Variants in SPOCK3 observed in about 807,000 individuals in gnomAD.
SPOCK3 encodes testican-3.
In SPOCK3, 30 loss-of-function variants were observed where a neutral mutation model predicts 56.6. The ratio of observed to expected loss-of-function variants is 0.53; its 90% CI spans 0.40 to 0.72. SPOCK3 has a LOEUF of 0.72. SPOCK3 is among the 30% of genes least tolerant of loss of function. SPOCK3 has a pLI of 0.00. For missense variants in SPOCK3, 527 were observed against 530.0 expected, an observed-to-expected ratio of 0.99 and a Z score of 0.06; for synonymous variants, 196 against 183.3, an observed-to-expected ratio of 1.07 and a Z score of -0.56.
chr4:167,217,325 T>C (rs1735459881), intron 2 of SPOCK3, among the ~76,000 whole-genome samples: 1 of 152,012 alleles, frequency 6.6e-6, no homozygotes, highest in African/African-American at 2.4e-5. Flanking sequence ...AAAGAATGGA[T>C]GGTTGCCTCT....
At chr4:166,822,018 T>A (rs1560895343) in intron 6 of SPOCK3, among the ~76,000 whole-genome samples, 1 of 152,116 alleles carries the variant, frequency 6.6e-6, no homozygotes, top group East Asian at 1.9e-4. Flanking sequence ...ATAGCATTTT[T>A]AAAATGCTTT....
intron 2 of SPOCK3, among the ~76,000 whole-genome samples, chr4:167,113,577 A>AT (rs1158115452): frequency 6.6e-6 from 1 of 152,056 alleles, no homozygotes; most frequent in Non-Finnish European, 1.5e-5. Flanking sequence ...GGATTAACTG[A>AT]TAAAAACTTT....
chr4:166,961,681 C>A (rs1442466752), intron 4 of SPOCK3, among the ~76,000 whole-genome samples: 1 of 152,048 alleles, frequency 6.6e-6, no homozygotes, highest in African/African-American at 2.4e-5. Flanking sequence ...ACAAGAAAGT[C>A]TTTCAAAACC....
chr4:166,935,371 T>C (rs747467874), intron 4 of SPOCK3, among the ~76,000 whole-genome samples: 19 of 152,278 alleles, frequency 1.2e-4, no homozygotes, highest in Non-Finnish European at 2.2e-4. Flanking sequence ...ATGGTAGCCA[T>C]TTCAGCATGA....
At chr4:167,122,012 C>T (rs1035364127) in intron 2 of SPOCK3, among the ~76,000 whole-genome samples, 5 of 151,966 alleles carry the variant, frequency 3.3e-5, no homozygotes, top group African/African-American at 1.2e-4. Context: ...TCAAGTTTTT[C>T]ATTAATAACC....
At chr4:167,095,934 T>G (rs1759108962) in intron 2 of SPOCK3, among the ~76,000 whole-genome samples, 1 of 151,844 alleles carries the variant, frequency 6.6e-6, no homozygotes, top group South Asian at 2.1e-4. Flanking sequence ...AAGGATAATA[T>G]ACAAATGTTA....
At chr4:167,111,626 T>C (rs932973003) in intron 2 of SPOCK3, among the ~76,000 whole-genome samples, 1 of 152,170 alleles carries the variant, frequency 6.6e-6, no homozygotes, top group African/African-American at 2.4e-5. Flanking sequence ...GTCATTATCA[T>C]AGTTGAGTTA....
chr4:166,754,551 T>C lies in SPOCK3; in HGVS notation c.888A>G (p.Leu296=). Reference sequence around the variant, plus strand: ...AGTAGCACCACTCATTATTAGATATTAAACTGTCCTTGTATGTGTCACAAG... The same window carrying C: ...AGTAGCACCACTCATTATTAGATATCAAACTGTCCTTGTATGTGTCACAAG... ...FNSCDTYKDS[L]ISNNEWCYCF... Residue 296 remains leucine (L), a synonymous_variant, in exon 8 of 11, where the codon TTA becomes TTG. Transcript: ENST00000357545. 2 of 1,613,626 alleles carry C rather than the reference T, an allele frequency of 1.2e-6. No homozygotes were observed. Among genetic ancestry groups the C allele is most frequent in the South Asian group, 2.2e-5 (2 of 91,072 alleles).
At chr4:167,162,850 A>C (rs1561281799) in intron 2 of SPOCK3, among the ~76,000 whole-genome samples, 1 of 152,026 alleles carries the variant, frequency 6.6e-6, no homozygotes, top group Non-Finnish European at 1.5e-5. Flanking sequence ...AATCATACTA[A>C]ATTAAGTTTA....
At chr4:167,166,084 A>G (rs916515000) in intron 2 of SPOCK3, among the ~76,000 whole-genome samples, 1 of 152,064 alleles carries the variant, frequency 6.6e-6, no homozygotes, top group African/African-American at 2.4e-5. Flanking sequence ...GAAATTCATA[A>G]CCCACATGCA....
chr4:166,954,911 A>G (rs1290976279), intron 4 of SPOCK3, among the ~76,000 whole-genome samples: 2 of 152,128 alleles, frequency 1.3e-5, no homozygotes, highest in African/African-American at 4.8e-5. Flanking sequence ...GTCATTCAAC[A>G]TGTGGTCTTT....
chr4:167,081,508 A>C (rs1248770296), intron 2 of SPOCK3, among the ~76,000 whole-genome samples: 1 of 152,092 alleles, frequency 6.6e-6, no homozygotes, highest in Admixed American at 6.6e-5. Context: ...ATATGAAATA[A>C]AGACAATACT....
intron 2 of SPOCK3, among the ~76,000 whole-genome samples, chr4:167,073,729 T>C (rs1756913400): frequency 1.3e-5 from 2 of 151,924 alleles, no homozygotes; most frequent in African/African-American, 4.8e-5. Flanking sequence ...TTCATTGTTG[T>C]TATTTGGTTT....
chr4:166,993,950 A>G (rs1748082550), intron 4 of SPOCK3, among the ~76,000 whole-genome samples: 1 of 152,180 alleles, frequency 6.6e-6, no homozygotes, highest in South Asian at 2.1e-4. Context: ...TCTATGTTTT[A>G]AACAAGAAAA....
At chr4:166,754,301 C>T (rs944054021) in intron 8 of SPOCK3, 6 of 1,285,112 alleles carry the variant, frequency 4.7e-6, no homozygotes, top group Non-Finnish European at 2.0e-6. Context: ...ATATTAATTA[C>T]TATTTTTCAT....
chr4:166,746,880 C>G (rs540737252), intron 8 of SPOCK3, among the ~76,000 whole-genome samples: 4 of 152,258 alleles, frequency 2.6e-5, no homozygotes, highest in Non-Finnish European at 2.9e-5. Flanking sequence ...ACTAGAAAAT[C>G]TAGAAGAAAT....
rs923588012 is a variant in SPOCK3, at chr4:166,752,560, A to G, written c.931+1948T>C. On this transcript the variant is annotated intron_variant, in intron 8 of 10. Transcript: ENST00000357545. ...AGAGTAGCTATATGTGTGTATATAT[A>G]TATATATATATATACACACACACAC... 8.6e-3 allele frequency among the ~76,000 whole-genome samples: 359 copies of G among 41,882 alleles called. 3 individuals are homozygous for G. Among genetic ancestry groups the G allele is most frequent in the African/African-American group, 0.044 (322 of 7,280 alleles). The allele number at this position is 41,882 out of a possible 152,430, so 27.5% of individuals were successfully genotyped here. A position where few individuals can be genotyped will look rare whatever the true frequency, so the allele number is the denominator to read the frequency against.
intron 5 of SPOCK3, among the ~76,000 whole-genome samples, chr4:166,900,946 G>A (rs1401583503): frequency 2.6e-5 from 4 of 152,118 alleles, no homozygotes; most frequent in African/African-American, 9.7e-5. Context: ...GTTTTTCCAT[G>A]CCACCCTGAC....
rs911055630 is a variant in SPOCK3, at chr4:166,737,640, A to G, written c.995-36T>C. 3 of 1,577,466 alleles carry G rather than the reference A, an allele frequency of 1.9e-6. No individual in the cohort carries two copies. In the African/African-American group the frequency reaches 4.1e-5, roughly 21 times the overall value. On this transcript the variant is annotated intron_variant, in intron 9 of 10. Transcript: ENST00000357545. ...AACACACAGGCATACAAACACACAC[A>G]TGTAGTTTATGAATAAGCTGTGCTC...
Sources: allele counts gnomAD v4.1 joint callset (sites outside exome capture counted in the v4.1 genomes callset), GRCh38; gene constraint gnomAD v4.1.1; transcripts MANE v1.5; gene names NCBI Gene and HGNC (gene_info 2026-07-23, HGNC 2026-07-21).